CCNK: variants seen among roughly 807,000 people sequenced by gnomAD.
CCNK encodes the protein cyclin-K.
In CCNK, 9 loss-of-function variants were observed where a neutral mutation model predicts 65.0. That is an observed-to-expected ratio of 0.14 (90% CI 0.08 to 0.24). The LOEUF (loss-of-function observed/expected upper bound fraction) is 0.24. Among genes scored for constraint, CCNK ranks in the 10% least tolerant of loss-of-function variants. The pLI, the probability that CCNK is intolerant of heterozygous loss-of-function variation, is 1.00. For synonymous variants in CCNK, 279 were observed against 270.8 expected (o/e 1.03, Z -0.30); for missense variants, 474 against 720.0 (o/e 0.66, Z 3.91).
chr14:99,499,436 G>A (rs1009019262), intron 4 of CCNK, among the ~76,000 whole-genome samples: 5 of 152,214 alleles, frequency 3.3e-5, no homozygotes, highest in African/African-American at 1.2e-4. Context: ...GTCTTGCCAT[G>A]TAATTTGGAA....
At chr14:99,507,779 T>C (rs562730401) in intron 10 of CCNK, 1 of 153,324 alleles carries the variant, frequency 6.5e-6, no homozygotes, top group South Asian at 2.1e-4. Context: ...ATTGGCAGTG[T>C]GTCGTCTTAG....
intron 1 of CCNK, among the ~76,000 whole-genome samples, chr14:99,482,280 C>G (rs1896358584): frequency 6.6e-6 from 1 of 152,252 alleles, no homozygotes. Flanking sequence ...GTATCTCGAT[C>G]TAAATCGCTG....
chr14:99,508,386 G>C (rs1005233007), intron 10 of CCNK: 1 of 152,446 alleles, frequency 6.6e-6, no homozygotes. Flanking sequence ...CCACAGGGGT[G>C]CTGCTACCTC....
chr14:99,492,968 C>A (rs1329130152), intron 2 of CCNK, 94 bp downstream of exon 2: 15 of 1,045,524 alleles, frequency 1.4e-5, no homozygotes, highest in Non-Finnish European at 2.0e-5. Context: ...ATAGTAATTT[C>A]TCTGTACCAG....
intron 4 of CCNK, among the ~76,000 whole-genome samples, chr14:99,498,443 A>G (rs1035717760): frequency 1.3e-5 from 2 of 152,164 alleles, no homozygotes; most frequent in African/African-American, 4.8e-5. Flanking sequence ...ATTGGGGAAG[A>G]TGTTTTCCTC....
At chr14:99,492,161 T>C (rs574901910) in intron 1 of CCNK, 1 of 153,074 alleles carries the variant, frequency 6.5e-6, no homozygotes, top group African/African-American at 2.4e-5. Context: ...TGAAAGTGCC[T>C]ACATGGAATA....
intron 8 of CCNK, 59 bp from the exon 9 acceptor site, chr14:99,503,551 AT>A (rs1418693235): frequency 6.9e-7 from 1 of 1,451,988 alleles, no homozygotes; most frequent in Non-Finnish European, 9.4e-7. Context: ...TGGATAATCC[AT>A]TTTTTTCTCA....
chr14:99,507,255 A>C, intron 10 of CCNK, 108 bp downstream of exon 10: 1 of 772,250 alleles, frequency 1.3e-6, no homozygotes, highest in Non-Finnish European at 2.3e-6. Flanking sequence ...CAGATTGACA[A>C]TGTCAGCCAC....
At chr14:99,481,658 C>T (rs375949487) in intron 1 of CCNK, 179 bp downstream of exon 1, 1 of 386,262 alleles carries the variant, frequency 2.6e-6, no homozygotes, top group East Asian at 3.7e-5. Context: ...GTGGGGCGGG[C>T]GTGTAGAGAG....
At chr14:99,490,704 G>C (rs2139854864) in intron 1 of CCNK, among the ~76,000 whole-genome samples, 1 of 152,180 alleles carries the variant, frequency 6.6e-6, no homozygotes, top group South Asian at 2.1e-4. Context: ...GAGGCAGGCG[G>C]ATCACGAGGT....
chr14:99,482,761 C>G (rs1406877250), intron 1 of CCNK, among the ~76,000 whole-genome samples: 5 of 152,144 alleles, frequency 3.3e-5, no homozygotes, highest in African/African-American at 1.2e-4. Context: ...ATTTTAAATG[C>G]TGTTTCTAAA....
chr14:99,486,980 T>C (rs1896501960), intron 1 of CCNK, among the ~76,000 whole-genome samples: 1 of 152,220 alleles, frequency 6.6e-6, no homozygotes, highest in Admixed American at 6.5e-5. Context: ...ACCTTACTTA[T>C]CTTGTGCCCT....
At chr14:99,497,044 C>T (rs1337378817) in intron 4 of CCNK, among the ~76,000 whole-genome samples, 1 of 150,684 alleles carries the variant, frequency 6.6e-6, no homozygotes, top group South Asian at 2.1e-4. Context: ...TTTCAGCATC[C>T]CCCCGACCAA....
At chr14:99,509,671 CG>C (rs2139885815) in intron 10 of CCNK, 1 of 171,626 alleles carries the variant, frequency 5.8e-6, no homozygotes, top group African/African-American at 2.4e-5. Flanking sequence ...ATGGGTACAC[CG>C]GGAATGTCAG....
intron 10 of CCNK, chr14:99,509,869 C>A: frequency 2.0e-6 from 1 of 500,750 alleles, no homozygotes; most frequent in Non-Finnish European, 3.5e-6. Flanking sequence ...GGGGCCAGGG[C>A]ACAAGGGGGC....
At chr14:99,487,591 C>G (rs1896517486) in intron 1 of CCNK, among the ~76,000 whole-genome samples, 1 of 152,138 alleles carries the variant, frequency 6.6e-6, no homozygotes. Flanking sequence ...GCAGAAGAAA[C>G]CAAATGTAAA....
chr14:99,495,381 TAAAAA>T, intron 3 of CCNK, 112 bp from the exon 4 acceptor site: 1 of 837,412 alleles, frequency 1.2e-6, no homozygotes, highest in African/African-American at 1.7e-5. Context: ...TTGTGAATGA[TAAAAA>T]GAAAGGTAGG....
chr14:99,488,049 G>A (rs575988972), intron 1 of CCNK, among the ~76,000 whole-genome samples: 1 of 152,250 alleles, frequency 6.6e-6, no homozygotes, highest in African/African-American at 2.4e-5. Flanking sequence ...CATGTTTACT[G>A]TGTGGTTGTG....
chr14:99,495,428 C>A, intron 3 of CCNK, 70 bp from the exon 4 acceptor site: 1 of 1,468,084 alleles, frequency 6.8e-7, no homozygotes, highest in Non-Finnish European at 9.1e-7. Flanking sequence ...TTACGAAGGC[C>A]AAAATTTATT....
Sources: allele counts gnomAD v4.1 joint callset (sites outside exome capture counted in the v4.1 genomes callset), GRCh38; gene constraint gnomAD v4.1.1; transcripts MANE v1.5; gene names NCBI Gene and HGNC (gene_info 2026-07-23, HGNC 2026-07-21).